Variants in KCNN2 observed in about 807,000 individuals in gnomAD.
KCNN2 encodes potassium calcium-activated channel subfamily N member 2, also known as small conductance calcium-activated potassium channel protein 2.
KCNN2 carries 24 observed loss-of-function variants against 55.5 expected under a neutral mutation model. That is an observed-to-expected ratio of 0.43 (90% CI 0.31 to 0.61). The LOEUF (loss-of-function observed/expected upper bound fraction) is 0.61, where lower values mean the gene tolerates loss of function less well. KCNN2 is among the 20% of genes least tolerant of loss of function. KCNN2 has a pLI of 0.08. For missense variants in KCNN2, 754 were observed against 853.6 expected, an observed-to-expected ratio of 0.88 and a Z score of 1.45; for synonymous variants, 431 against 336.1, an observed-to-expected ratio of 1.28 and a Z score of -3.09.
intron 2 of KCNN2, among the ~76,000 whole-genome samples, chr5:114,252,010 C>T (rs925284800): frequency 6.6e-6 from 1 of 151,434 alleles, no homozygotes; most frequent in Non-Finnish European, 1.5e-5. Flanking sequence ...TCCCGAGCAG[C>T]TGGGATTATA....
At chr5:114,385,224 T>G (rs1350080723) in intron 2 of KCNN2, among the ~76,000 whole-genome samples, 3 of 152,122 alleles carry the variant, frequency 2.0e-5, no homozygotes, top group Non-Finnish European at 2.9e-5. Flanking sequence ...TCTCTTGCTT[T>G]CTTCCTTCCC....
intron 2 of KCNN2, among the ~76,000 whole-genome samples, chr5:114,375,952 G>GTGTGTATATATATATATATATATA (rs1249028214): frequency 9.5e-6 from 1 of 104,722 alleles, no homozygotes; most frequent in Non-Finnish European, 1.9e-5. Flanking sequence ...GACTCACAGT[G>GTGTGTATATATATATATATATATA]TATATATATA....
chr5:114,401,206 A>T (rs1174063922), intron 2 of KCNN2, among the ~76,000 whole-genome samples: 3 of 152,150 alleles, frequency 2.0e-5, no homozygotes, highest in Admixed American at 2.0e-4. Flanking sequence ...ATATGCTATG[A>T]TAAAAAAAAA....
At chr5:114,425,908 A>T (rs573654178) in intron 3 of KCNN2, among the ~76,000 whole-genome samples, 2 of 152,166 alleles carry the variant, frequency 1.3e-5, no homozygotes, top group Admixed American at 1.3e-4. Context: ...GGCTGGGTGC[A>T]GTGGCTCACA....
intron 1 of KCNN2, among the ~76,000 whole-genome samples, chr5:114,206,763 CT>C (rs34590942): frequency 0.051 from 7,536 of 147,448 alleles, 628 homozygotes; most frequent in African/African-American, 0.18. Context: ...CCTGGTACTT[CT>C]TTTTTTTTTT....
intron 1 of KCNN2, among the ~76,000 whole-genome samples, chr5:114,084,334 G>T (rs1408356450): frequency 6.6e-6 from 1 of 151,976 alleles, no homozygotes; most frequent in African/African-American, 2.4e-5. Flanking sequence ...TCCCGCCAAA[G>T]TTTGATATTG....
chr5:114,071,585 A>G (rs1435071591), intron 1 of KCNN2, among the ~76,000 whole-genome samples: 1 of 152,224 alleles, frequency 6.6e-6, no homozygotes, highest in Non-Finnish European at 1.5e-5. Flanking sequence ...TTAAAATCAA[A>G]TAAAAGTTCA....
chr5:114,377,620 T>A (rs775675010), intron 2 of KCNN2, among the ~76,000 whole-genome samples: 1 of 152,186 alleles, frequency 6.6e-6, no homozygotes, highest in Non-Finnish European at 1.5e-5. Flanking sequence ...GGACGCCTTC[T>A]ATCTAGACAG....
chr5:114,269,471 G>T (rs1231474213), intron 2 of KCNN2, among the ~76,000 whole-genome samples: 7 of 148,880 alleles, frequency 4.7e-5, no homozygotes, highest in Non-Finnish European at 7.4e-5. Flanking sequence ...TTAAGTCACA[G>T]GTTTTCTCCC....
intron 1 of KCNN2, among the ~76,000 whole-genome samples, chr5:114,157,387 T>G (rs995105424): frequency 9.9e-5 from 15 of 152,160 alleles, no homozygotes; most frequent in Non-Finnish European, 8.8e-5. Flanking sequence ...TGCCACATTT[T>G]CTTAATCCAG....
chr5:114,130,585 C>T (rs1752051700), intron 1 of KCNN2, among the ~76,000 whole-genome samples: 1 of 152,196 alleles, frequency 6.6e-6, no homozygotes, highest in African/African-American at 2.4e-5. Context: ...TTCATATTTA[C>T]TGCCACCTCT....
At chr5:114,234,990 G>T (rs1293055112) in intron 2 of KCNN2, among the ~76,000 whole-genome samples, 2 of 152,048 alleles carry the variant, frequency 1.3e-5, no homozygotes, top group Non-Finnish European at 1.5e-5. Flanking sequence ...GGGGGCTATG[G>T]GAAACTGCTT....
intron 1 of KCNN2, among the ~76,000 whole-genome samples, chr5:114,121,223 C>T (rs1580531956): frequency 6.6e-6 from 1 of 152,298 alleles, no homozygotes; most frequent in Non-Finnish European, 1.5e-5. Flanking sequence ...ATGGTATCAT[C>T]CCAGGGTTCC....
At position 114,230,919 on chromosome 5, in the gene KCNN2, A is replaced by G. The variant is rs1300368931; in HGVS notation, c.-185+9354A>G. Among the ~76,000 whole-genome samples, 5 of 22,722 alleles carry G rather than the reference A, an allele frequency of 2.2e-4. 2 individuals carry two copies. The highest frequency in any genetic ancestry group is 5.6e-4 in the African/African-American group (5 of 8,974). 14.9% of individuals were successfully genotyped at this position (22,722 alleles called of 152,430 possible). On this transcript the variant is annotated intron_variant, in intron 2 of 10. Coordinates refer to the KCNN2 transcript ENST00000512097. ...CCACCAACAGTGTAAAAGTGTTCCT[A>G]TTTCTCCACGTCCTCTCCAGCACCT...
At chr5:114,295,832 G>A (rs1023402187) in intron 2 of KCNN2, among the ~76,000 whole-genome samples, 1 of 152,044 alleles carries the variant, frequency 6.6e-6, no homozygotes, top group African/African-American at 2.4e-5. Flanking sequence ...GTTCCTATTT[G>A]GCCATCTTGG....
At chr5:114,397,470 T>A (rs1044673741) in intron 2 of KCNN2, among the ~76,000 whole-genome samples, 14 of 152,164 alleles carry the variant, frequency 9.2e-5, no homozygotes, top group Non-Finnish European at 2.9e-5. Context: ...CACTGCAACC[T>A]CTGCTTCCTG....
intron 2 of KCNN2, among the ~76,000 whole-genome samples, chr5:114,377,969 G>A (rs1195012052): frequency 6.6e-6 from 1 of 152,124 alleles, no homozygotes; most frequent in African/African-American, 2.4e-5. Flanking sequence ...CCTTCACAAG[G>A]AAGCAGAGCC....
At chr5:114,415,156 C>T (rs1232866948) in intron 3 of KCNN2, among the ~76,000 whole-genome samples, 17 of 152,080 alleles carry the variant, frequency 1.1e-4, no homozygotes, top group Admixed American at 1.1e-3. Flanking sequence ...AAGTTTGTTC[C>T]TTTTTATTGA....
At chr5:114,071,275 C>G (rs899961918) in intron 1 of KCNN2, among the ~76,000 whole-genome samples, 2 of 152,194 alleles carry the variant, frequency 1.3e-5, no homozygotes, top group Admixed American at 6.5e-5. Flanking sequence ...AACTACAGAG[C>G]TTGAGTAGCA....
Sources: gnomAD v4.1 joint callset for allele counts (sites outside exome capture counted in the v4.1 genomes callset) on GRCh38, gnomAD v4.1.1 for gene constraint, MANE v1.5 for transcripts, NCBI Gene and HGNC (gene_info 2026-07-23, HGNC 2026-07-21) for gene names.